RANBP9: variants seen among roughly 807,000 people sequenced by gnomAD.
The protein encoded by RANBP9 is RAN binding protein 9, also known as ran-binding protein 9.
A neutral mutation model predicts 84.3 loss-of-function variants in RANBP9; 15 were observed. That is an observed-to-expected ratio of 0.18 (90% CI 0.12 to 0.27). RANBP9 has a LOEUF of 0.27. RANBP9 is among the 10% of genes least tolerant of loss of function. RANBP9 has a pLI of 1.00. For synonymous variants in RANBP9, 392 were observed against 349.6 expected, an observed-to-expected ratio of 1.12 and a Z score of -1.35; for missense variants, 809 against 912.8, an observed-to-expected ratio of 0.89 and a Z score of 1.46.
intron 4 of RANBP9, among the ~76,000 whole-genome samples, chr6:13,655,953 A>AGTGAGAAAAGGATCTCTTGTGGAC (rs1765387025): frequency 6.6e-6 from 1 of 152,234 alleles, no homozygotes; most frequent in Non-Finnish European, 1.5e-5. Flanking sequence ...TTATTGTACT[A>AGTGAGAAAAGGATCTCTTGTGGAC]GTGAGAAAAG....
At chr6:13,672,850 C>A (rs1765805306) in intron 2 of RANBP9, among the ~76,000 whole-genome samples, 2 of 149,152 alleles carry the variant, frequency 1.3e-5, no homozygotes, top group Admixed American at 6.7e-5. Context: ...AATCAGCAGA[C>A]TAAAAAAAAC....
At position 13,632,508 on chromosome 6, in the gene RANBP9, A is replaced by T. The variant is rs142243405; in HGVS notation, c.1809T>A (p.Ser603Arg). 4 of 1,612,658 alleles carry T rather than the reference A, an allele frequency of 2.5e-6. No homozygotes were observed. The African/African-American group carries it at 5.3e-5, about 22-fold the overall frequency. The change falls in exon 12 of 14, where the codon AGT becomes AGA. Residue 603 changes from serine to arginine, a missense_variant. This residue lies in a region of RANBP9 where 233 missense variants were observed against 234.4 expected (regional missense o/e 0.99). Coordinates refer to ENST00000011619, the MANE Select transcript of RANBP9 (RefSeq NM_005493.3). ...CTCCACACAACTGGCGTCTCAACTG[A>T]CTTGAATCAACTTCTGTAAGAAAAA... ...DCDTEMEVDS[S>R]QLRRQLCGGS...
Position 13,711,552 on chromosome 6 carries a change from C to G in RANBP9, c.-47G>C, listed in dbSNP as rs1396909906. The G allele has an allele frequency of 3.2e-5, 40 of 1,235,944 alleles. No individual in the cohort carries two copies. The highest frequency in any genetic ancestry group is 3.7e-5 in the Non-Finnish European group (36 of 983,804). The allele number at this position is 1,235,944 out of a possible 1,614,324, so 76.6% of individuals were successfully genotyped here. On this transcript the variant is annotated 5_prime_UTR_variant, in exon 1 of 14. Coordinates refer to ENST00000011619, the MANE Select transcript of RANBP9 (RefSeq NM_005493.3). ...GGCCACCTCCACCTCTTCTCTCCTT[C>G]CTCCTCTGCTTCCCGGGGGCGCTGT...
intron 2 of RANBP9, among the ~76,000 whole-genome samples, chr6:13,671,172 A>G (rs1349402231): frequency 6.6e-6 from 1 of 152,204 alleles, no homozygotes. Context: ...TGTGTTGACA[A>G]GAATGTGGAG....
At chr6:13,644,983 C>G (rs533876705) in intron 5 of RANBP9, among the ~76,000 whole-genome samples, 2 of 152,264 alleles carry the variant, frequency 1.3e-5, no homozygotes, top group South Asian at 2.1e-4. Flanking sequence ...TCAGGGACTA[C>G]GTTGTATTAT....
At chr6:13,669,096 T>A (rs949666140) in intron 2 of RANBP9, among the ~76,000 whole-genome samples, 1 of 151,820 alleles carries the variant, frequency 6.6e-6, no homozygotes. Context: ...AGAAATAATT[T>A]GAAAATGAAT....
chr6:13,699,767 C>G (rs1757921435), intron 1 of RANBP9, among the ~76,000 whole-genome samples: 1 of 152,098 alleles, frequency 6.6e-6, no homozygotes. Flanking sequence ...GAGGCTGAGG[C>G]ACAAGAATCG....
intron 2 of RANBP9, among the ~76,000 whole-genome samples, chr6:13,679,431 T>C (rs1765977617): frequency 6.6e-6 from 1 of 152,222 alleles, no homozygotes; most frequent in African/African-American, 2.4e-5. Flanking sequence ...CTGACGATTC[T>C]TTGTCGAATA....
intron 5 of RANBP9, 79 bp from the exon 6 acceptor site, chr6:13,644,808 G>A (rs1177387778): frequency 1.8e-6 from 2 of 1,134,458 alleles, no homozygotes; most frequent in Non-Finnish European, 2.4e-6. Context: ...ACATTTAAAA[G>A]AATAGAACTA....
chr6:13,705,636 C>A (rs191690934), intron 1 of RANBP9, among the ~76,000 whole-genome samples: 1 of 150,932 alleles, frequency 6.6e-6, no homozygotes, highest in South Asian at 2.1e-4. Flanking sequence ...ACGAGGCGCG[C>A]AGATCACAAG....
chr6:13,684,754 A>C (rs145715411), intron 2 of RANBP9, among the ~76,000 whole-genome samples: 335 of 152,370 alleles, frequency 2.2e-3, no homozygotes, highest in African/African-American at 7.5e-3. Context: ...ATCTTAAATA[A>C]ATAATTATGA....
intron 1 of RANBP9, among the ~76,000 whole-genome samples, chr6:13,697,215 G>C (rs533827980): frequency 2.0e-5 from 3 of 152,132 alleles, no homozygotes; most frequent in African/African-American, 7.2e-5. Flanking sequence ...GAGGAAAAAG[G>C]CTGTATGAAG....
intron 10 of RANBP9, among the ~76,000 whole-genome samples, chr6:13,635,275 A>G (rs143901366): frequency 5.3e-5 from 8 of 152,308 alleles, no homozygotes; most frequent in South Asian, 2.1e-4. Flanking sequence ...ATGAATATCT[A>G]TCTGCCAATA....
intron 1 of RANBP9, among the ~76,000 whole-genome samples, chr6:13,706,744 G>A (rs192775895): frequency 6.6e-6 from 1 of 151,564 alleles, no homozygotes; most frequent in African/African-American, 2.4e-5. Flanking sequence ...GCTCATGCCT[G>A]TAATCCCGGC....
At chr6:13,634,592 AC>A in intron 10 of RANBP9, 40 bp from the exon 11 acceptor site, 1 of 1,560,514 alleles carries the variant, frequency 6.4e-7, no homozygotes, top group Non-Finnish European at 8.7e-7. Context: ...GAAATATCAT[AC>A]TTGCAGCTTA....
chr6:13,637,044 T>C (rs890108055), intron 10 of RANBP9, among the ~76,000 whole-genome samples: 4 of 152,188 alleles, frequency 2.6e-5, no homozygotes, highest in African/African-American at 9.7e-5. Context: ...TCCTGGATGA[T>C]TTGGGCAGGG....
chr6:13,666,243 C>T (rs1382167386), intron 2 of RANBP9, among the ~76,000 whole-genome samples: 8 of 151,838 alleles, frequency 5.3e-5, no homozygotes, highest in Admixed American at 2.0e-4. Flanking sequence ...AAGACTAAGA[C>T]GGATCAACTG....
intron 2 of RANBP9, among the ~76,000 whole-genome samples, chr6:13,692,001 G>A (rs1766331710): frequency 6.6e-6 from 1 of 152,076 alleles, no homozygotes; most frequent in Admixed American, 6.6e-5. Context: ...TCTCAGATGG[G>A]CACACATCAC....
At chr6:13,674,410 AG>A (rs1210134545) in intron 2 of RANBP9, among the ~76,000 whole-genome samples, 13 of 152,200 alleles carry the variant, frequency 8.5e-5, no homozygotes, top group African/African-American at 3.1e-4. Context: ...AAATTATCGG[AG>A]AAAAACAGGA....
Sources: gnomAD v4.1 joint callset for allele counts (sites outside exome capture counted in the v4.1 genomes callset) on GRCh38, gnomAD v4.1.1 for gene constraint, gnomAD v4.1.1 regional missense constraint, MANE v1.5 for transcripts, NCBI Gene and HGNC (gene_info 2026-07-23, HGNC 2026-07-21) for gene names.